The following FER1L5 variants were observed in gnomAD, a reference collection of about 807,000 sequenced individuals.
FER1L5 encodes the protein fer-1 like family member 5, also known as fer-1-like protein 5.
Under a neutral mutation model 279.9 loss-of-function variants are expected in FER1L5, and 187 were observed. The observed-to-expected ratio is 0.67, with a 90% CI of 0.59 to 0.75. The LOEUF (loss-of-function observed/expected upper bound fraction) is 0.75. Ranked by LOEUF, FER1L5 falls within the 30% of genes least tolerant of loss-of-function variation. FER1L5 has a pLI of 0.00. For missense variants in FER1L5, 2,091 were observed against 2,594.4 expected (o/e 0.81, Z 4.21); for synonymous variants, 921 against 989.7 (o/e 0.93, Z 1.30).
Position 96,659,408 on chromosome 2 carries a change from T to TCCTTC in FER1L5, c.748-932_748-931insCTTCC, listed in dbSNP as rs1460200004. ...TTCTTTCTTTCTTTCTTTCTTTCTT[T>TCCTTC]CTTTCTTTCTTTCTTTCTTTCTTTC... On this transcript the variant is annotated intron_variant, in intron 9 of 52. Coordinates refer to ENST00000624922, the MANE Select transcript of FER1L5 (RefSeq NM_001293083.2). 5.3e-3 allele frequency among the ~76,000 whole-genome samples: 29 copies of TCCTTC among 5,474 alleles called. 1 individual carries two copies. The highest frequency in any genetic ancestry group is 7.2e-3 in the Non-Finnish European group (25 of 3,456). 3.6% of individuals were successfully genotyped at this position (5,474 alleles called of 152,430 possible). A position where few individuals can be genotyped will look rare whatever the true frequency, so the allele number is the denominator to read the frequency against.
Position 96,694,175 on chromosome 2 carries a change from G to T in FER1L5, c.3636+103G>T. The T allele has an allele frequency of 7.0e-7, 1 of 1,434,568 alleles. No individual in the cohort carries two copies. The highest frequency in any genetic ancestry group is 2.5e-5 in the East Asian group (1 of 40,118). The allele number at this position is 1,434,568 out of a possible 1,614,324, so 88.9% of individuals were successfully genotyped here. A position where few individuals can be genotyped will look rare whatever the true frequency, so the allele number is the denominator to read the frequency against. ...AACTCCACCCTGTCAGGAAATGCCT[G>T]GGGCCCAGGATCCCGAGCTGTGGGC... On this transcript the variant is annotated intron_variant, in intron 33 of 52. Coordinates refer to ENST00000624922, the MANE Select transcript of FER1L5 (RefSeq NM_001293083.2). This position sits in a 1 kb window ranked among gnomAD's most constrained non-coding sequence, Gnocchi z 4.6.
Position 96,702,728 on chromosome 2 carries a change from T to C in FER1L5, c.5384T>C (p.Val1795Ala), listed in dbSNP as rs775938351. The part of the protein sequence containing the change: ...MDYLAAERTC[V>A]QSQKDYIWSL... ...TACCTGGCGGCGGAGCGCACGTGTG[T>C]CCAGAGCCAGAAGGTAACAGGCCTG... The change falls in exon 48 of 53, where the codon GTC (valine) becomes GCC (alanine). Residue 1795 changes from valine to alanine, a missense_variant. Physicochemically the swap from Val to Ala is moderately conservative, Grantham distance 64. Transcript: ENST00000624922. The surrounding 1 kb of genome is among the most constrained non-coding windows in gnomAD (Gnocchi z 4.0). 6.2e-7 allele frequency: 1 copy of C among 1,613,032 alleles called. No homozygotes were observed. The highest frequency in any genetic ancestry group is 1.7e-5 in the Admixed American group (1 of 59,920).
In FER1L5 at chr2:96,689,734, T is replaced by C. The variant is rs764998865; in HGVS notation, c.2616T>C (p.Pro872=). The part of the protein sequence containing the change: ...QGRDTRGAWG[P]AAIPNTDVNG... ...GTGACACCAGAGGGGCCTGGGGGCCTGCCGCCATCCCAAACACAGACGTGG... is the reference window on the plus strand; with the variant it reads ...GTGACACCAGAGGGGCCTGGGGGCCCGCCGCCATCCCAAACACAGACGTGG... The change falls in exon 26 of 53, where the codon CCT becomes CCC. Residue 872 remains proline, a synonymous_variant. Coordinates refer to ENST00000624922, the MANE Select transcript of FER1L5 (RefSeq NM_001293083.2). This position sits in a 1 kb window ranked among gnomAD's most constrained non-coding sequence, Gnocchi z 4.6. 8.4e-6 allele frequency: 13 copies of C among 1,550,274 alleles called. No individual in the cohort carries two copies. In the African/African-American group the frequency reaches 1.2e-4, roughly 15 times the overall value.
At chr2:96,676,022 G>A (rs2076498597) in intron 19 of FER1L5, among the ~76,000 whole-genome samples, 2 of 152,006 alleles carry the variant, frequency 1.3e-5, no homozygotes, top group South Asian at 4.1e-4. Context: ...CATTCTACAA[G>A]CTTTATCGTT....
chr2:96,699,042 C>T lies in FER1L5; in HGVS notation c.4519-3C>T, dbSNP rs1047051339. ...TCCTTCCCCCACTTGTATCTGACCC[C>T]AGTGTGACCCTTATGTGATCCTGAA... On this transcript the variant is annotated splice_polypyrimidine_tract_variant and splice_region_variant and intron_variant, in intron 41 of 52. Transcript: ENST00000624922. 3.7e-6 allele frequency: 6 copies of T among 1,607,432 alleles called. No homozygotes were observed. The highest frequency in any genetic ancestry group is 5.1e-6 in the Non-Finnish European group (6 of 1,176,948).
At chr2:96,669,195 C>G in intron 17 of FER1L5, 58 bp downstream of exon 17, 1 of 1,495,440 alleles carries the variant, frequency 6.7e-7, no homozygotes, top group Non-Finnish European at 9.0e-7. Context: ...CCATGTAAAG[C>G]ACTAGGGCCT....
At chr2:96,693,367 G>T in intron 31 of FER1L5, 139 bp from the exon 32 acceptor site, 1 of 756,150 alleles carries the variant, frequency 1.3e-6, no homozygotes, top group Non-Finnish European at 2.1e-6. Flanking sequence ...CTGACTCTGA[G>T]GGGGCCTCTG....
At chr2:96,658,353 G>A (rs1005000524) in intron 9 of FER1L5, among the ~76,000 whole-genome samples, 19 of 137,182 alleles carry the variant, frequency 1.4e-4, no homozygotes, top group Admixed American at 4.7e-4. Flanking sequence ...GTCTTGCTCT[G>A]TCATCAAGGT....
chr2:96,682,136 G>A (rs1381136513), intron 19 of FER1L5, among the ~76,000 whole-genome samples: 2 of 151,826 alleles, frequency 1.3e-5, no homozygotes, highest in Admixed American at 1.3e-4. Flanking sequence ...GCCCAGGCTG[G>A]AGTGCAGTGG....
rs1193670873 is a variant in FER1L5 at position 96,659,335 on chromosome 2, TTCCTTCCTTCCTTCCTTCCTTCCTTCC to T, written c.748-1004_748-978del. Among the ~76,000 whole-genome samples, 26 of 83,350 alleles carry T rather than the reference TTCCTTCCTTCCTTCCTTCCTTCCTTCC, an allele frequency of 3.1e-4. No individual in the cohort carries two copies. The East Asian group carries it at 5.7e-3, about 18-fold the overall frequency. 54.7% of individuals were successfully genotyped at this position (83,350 alleles called of 152,430 possible). ...CTTCCTTCCTTCCTTCCTTCCTTCC[TTCCTTCCTTCCTTCCTTCCTTCCTTCC>T]TTCTTTCTTTCTTTCTTTCTTTCTT... On this transcript the variant is annotated intron_variant, in intron 9 of 52. Transcript: ENST00000624922.
chr2:96,659,290 T>TGCCTGCCTGCCTGCCTTCCTTCCTTCC (rs2075732527), intron 9 of FER1L5, among the ~76,000 whole-genome samples: 2 of 80,942 alleles, frequency 2.5e-5, no homozygotes, highest in African/African-American at 9.8e-5. Flanking sequence ...TTTATCAAGC[T>TGCCTGCCTGCCTGCCTTCCTTCCTTCC]TTCCTTCCTT....
Position 96,684,468 on chromosome 2 carries a change from C to G in FER1L5, c.1794+17C>G. 6.5e-7 allele frequency: 1 copy of G among 1,547,508 alleles called. No individual in the cohort carries two copies. The highest frequency in any genetic ancestry group is 1.4e-5 in the African/African-American group (1 of 73,112). ...GACCGCCTGGTGAGTGGTGCGGGAG[C>G]CGATGCTGGGAAGACACCTGTTTCA... On this transcript the variant is annotated intron_variant, in intron 20 of 52. Coordinates refer to ENST00000624922, the MANE Select transcript of FER1L5 (RefSeq NM_001293083.2).
At chr2:96,656,453 A>G (rs578151450) in intron 9 of FER1L5, among the ~76,000 whole-genome samples, 3 of 152,326 alleles carry the variant, frequency 2.0e-5, no homozygotes, top group Non-Finnish European at 4.4e-5. Context: ...TCTGGCCAAC[A>G]TGGCCATCTC....
At position 96,696,078 on chromosome 2, in the gene FER1L5, G is replaced by T; in HGVS notation, c.4083+1G>T. The T allele has an allele frequency of 6.2e-7, 1 of 1,613,802 alleles. No homozygotes were observed. Among genetic ancestry groups the T allele is most frequent in the Non-Finnish European group, 8.5e-7 (1 of 1,179,868 alleles). The stretch of plus-strand genomic sequence containing the variant: ...GCTGTCTGAGAAGAAGCACCAAGAC[G>T]TAAGTAAGGGCTGCAGGCCCACCTT... On this transcript the variant is annotated splice_donor_variant, in intron 37 of 52. Transcript: ENST00000624922. LOFTEE classifies it high-confidence loss of function.
chr2:96,674,324 G>A (rs1342979210), intron 19 of FER1L5, among the ~76,000 whole-genome samples: 3 of 152,176 alleles, frequency 2.0e-5, no homozygotes, highest in Non-Finnish European at 2.9e-5. Context: ...CCGGGTTCAA[G>A]CGATTCTCCT....
At chr2:96,697,279 TTCCAGAATCCAGAA>T (rs529742397) in intron 37 of FER1L5, among the ~76,000 whole-genome samples, 22 of 152,324 alleles carry the variant, frequency 1.4e-4, no homozygotes, top group East Asian at 1.9e-4. Flanking sequence ...TCTGAGCCCC[TTCCAGAATCCAGAA>T]TCCAGAATCC....
At chr2:96,695,359 C>T (rs1573954334) in intron 34 of FER1L5, 150 bp from the exon 35 acceptor site, 1 of 1,053,986 alleles carries the variant, frequency 9.5e-7, no homozygotes, top group Non-Finnish European at 1.3e-6. Flanking sequence ...CCTTGTGCGC[C>T]TTCAGACACT....
chr2:96,687,719 C>T (rs1247040187), intron 23 of FER1L5, 97 bp from the exon 24 acceptor site: 20 of 1,437,578 alleles, frequency 1.4e-5, no homozygotes, highest in Non-Finnish European at 1.8e-5. Flanking sequence ...TCCCAGGGCT[C>T]AGGGGGGAAG....
rs1178472830 is a variant in FER1L5 at position 96,661,652 on chromosome 2, T to A, written c.895-16T>A. The stretch of plus-strand genomic sequence containing the variant: ...TCCCCATTACCTTGACTATATCAGC[T>A]CTCTGGTCTCTCCAGATAGATCAAA... On this transcript the variant is annotated splice_polypyrimidine_tract_variant and intron_variant, in intron 11 of 52. Coordinates refer to ENST00000624922, the MANE Select transcript of FER1L5 (RefSeq NM_001293083.2). 1 of 1,551,512 alleles carries A rather than the reference T, an allele frequency of 6.4e-7. No individual in the cohort carries two copies. The highest frequency in any genetic ancestry group is 8.7e-7 in the Non-Finnish European group (1 of 1,146,968).
Sources: gnomAD v4.1 joint callset for allele counts (sites outside exome capture counted in the v4.1 genomes callset) on GRCh38, gnomAD v4.1.1 for gene constraint, Gnocchi (gnomAD v3.1) non-coding constraint, MANE v1.5 for transcripts, NCBI Gene and HGNC (gene_info 2026-07-23, HGNC 2026-07-21) for gene names.